Variants in LPXN observed in about 807,000 individuals in gnomAD.
LPXN encodes leupaxin.
A neutral mutation model predicts 45.6 loss-of-function variants in LPXN; 28 were observed. That is an observed-to-expected ratio of 0.61 (90% CI 0.45 to 0.84). The LOEUF (loss-of-function observed/expected upper bound fraction) is 0.84. Among genes scored for constraint, LPXN ranks in the 40% least tolerant of loss-of-function variants. LPXN has a pLI of 0.00. For synonymous variants in LPXN, 166 were observed against 169.9 expected, an observed-to-expected ratio of 0.98 and a Z score of 0.18; for missense variants, 459 against 475.0, an observed-to-expected ratio of 0.97 and a Z score of 0.31.
At chr11:58,567,412 A>G (rs1422247314) in intron 2 of LPXN, among the ~76,000 whole-genome samples, 1 of 152,210 alleles carries the variant, frequency 6.6e-6, no homozygotes, top group Admixed American at 6.5e-5. Context: ...TTGAATTGAG[A>G]CCTCTAAGGA....
chr11:58,553,962 T>C (rs1854125435), intron 4 of LPXN: 1 of 152,474 alleles, frequency 6.6e-6, no homozygotes, highest in Non-Finnish European at 1.5e-5. Flanking sequence ...TGATCTCCCT[T>C]GCTGTGTCTC....
At chr11:58,577,968 C>T, upstream of LPXN, 1 of 1,546,390 alleles carries the variant, frequency 6.5e-7, no homozygotes, top group South Asian at 1.2e-5. Flanking sequence ...CCCCATGGAA[C>T]CAGATTTAGT....
At chr11:58,554,971 A>G (rs774331773) in intron 3 of LPXN, 31 bp from the exon 4 acceptor site, 2 of 1,346,320 alleles carry the variant, frequency 1.5e-6, no homozygotes, top group East Asian at 4.6e-5. Flanking sequence ...AGTCATATGA[A>G]CAAATCAAAA....
chr11:58,536,297 G>C (rs1405598364), intron 7 of LPXN, among the ~76,000 whole-genome samples: 1 of 152,126 alleles, frequency 6.6e-6, no homozygotes, highest in African/African-American at 2.4e-5. Context: ...GCATGGTACT[G>C]GTACCAAAAC....
At chr11:58,577,927 G>A (rs1302403031), upstream of LPXN, 2 of 1,423,536 alleles carry the variant, frequency 1.4e-6, no homozygotes, top group Non-Finnish European at 1.9e-6. Flanking sequence ...TGAGTAGTGG[G>A]CCTTGTGCTA....
At chr11:58,552,285 T>A (rs555225403) in intron 4 of LPXN, among the ~76,000 whole-genome samples, 2 of 150,206 alleles carry the variant, frequency 1.3e-5, no homozygotes, top group South Asian at 4.3e-4. Context: ...AAAATTATTA[T>A]AAACCATTCA....
chr11:58,532,919 C>T (rs192961932), intron 7 of LPXN, among the ~76,000 whole-genome samples: 19 of 152,270 alleles, frequency 1.2e-4, no homozygotes, highest in Non-Finnish European at 1.8e-4. Flanking sequence ...TAACACTCAC[C>T]GCGAAGGTCT....
intron 7 of LPXN, among the ~76,000 whole-genome samples, chr11:58,546,258 G>C (rs983111096): frequency 2.0e-5 from 3 of 152,124 alleles, no homozygotes; most frequent in Admixed American, 2.0e-4. Flanking sequence ...CATCAGAGGG[G>C]CTCAGGAACT....
rs1408205578 is a variant in LPXN, at chr11:58,549,779, G to A, written c.742+7C>T. 1 of 1,613,734 alleles carries A rather than the reference G, an allele frequency of 6.2e-7. No homozygotes were observed. The highest frequency in any genetic ancestry group is 1.3e-5 in the African/African-American group (1 of 74,896). On this transcript the variant is annotated splice_region_variant and intron_variant, in intron 7 of 8. Transcript: ENST00000395074. Reference sequence around the variant, plus strand: ...TGTGGGATACAGCCTCTCAAGTCGGGTCATACCTTCTGCACCAAACACCTC... The same window carrying A: ...TGTGGGATACAGCCTCTCAAGTCGGATCATACCTTCTGCACCAAACACCTC...
chr11:58,545,281 C>T (rs544797113), intron 7 of LPXN, among the ~76,000 whole-genome samples: 87 of 152,270 alleles, frequency 5.7e-4, no homozygotes, highest in Non-Finnish European at 1.1e-3. Flanking sequence ...GCTTTCTGGT[C>T]ATCCTATGGA....
At chr11:58,560,369 AAC>A (rs1214960261) in intron 3 of LPXN, among the ~76,000 whole-genome samples, 1 of 152,232 alleles carries the variant, frequency 6.6e-6, no homozygotes, top group Non-Finnish European at 1.5e-5. Context: ...ATATAAAATT[AAC>A]ACATGTTAAG....
rs1055694706 is a variant in LPXN, at chr11:58,527,301, T to C, written c.*153A>G. 20 of 685,638 alleles carry C rather than the reference T, an allele frequency of 2.9e-5. No individual in the cohort carries two copies. The highest frequency in any genetic ancestry group is 3.2e-4 in the Middle Eastern group (1 of 3,132). 42.5% of individuals were successfully genotyped at this position (685,638 alleles called of 1,614,324 possible). ...AAAAATAAGATTATCAGCCTAGTCA[T>C]GTAAAGTCTAGAAGTTCCTTTATTT... On this transcript the variant is annotated 3_prime_UTR_variant, in exon 9 of 9. Coordinates refer to ENST00000395074, the MANE Select transcript of LPXN (RefSeq NM_004811.3).
upstream of LPXN, chr11:58,578,159 G>C (rs1590600947): frequency 2.2e-6 from 3 of 1,364,274 alleles, no homozygotes; most frequent in Non-Finnish European, 2.9e-6. Context: ...TAAAAAGTAA[G>C]AAAAAGTAGG....
chr11:58,542,132 T>C (rs1205091552), intron 7 of LPXN, among the ~76,000 whole-genome samples: 2 of 151,872 alleles, frequency 1.3e-5, no homozygotes, highest in African/African-American at 4.8e-5. Context: ...ATGGCACATG[T>C]ATACATATGT....
intron 7 of LPXN, among the ~76,000 whole-genome samples, chr11:58,542,183 A>C (rs969957389): frequency 6.6e-6 from 1 of 152,052 alleles, no homozygotes; most frequent in African/African-American, 2.4e-5. Flanking sequence ...TAAAACTTAA[A>C]GTATAATAAT....
intron 7 of LPXN, among the ~76,000 whole-genome samples, chr11:58,543,061 G>A (rs1256474473): frequency 2.0e-5 from 3 of 152,138 alleles, no homozygotes; most frequent in Non-Finnish European, 4.4e-5. Flanking sequence ...CTGCTTAAGA[G>A]AACAAGTGAC....
chr11:58,551,914 T>A (rs1289325870), intron 4 of LPXN, among the ~76,000 whole-genome samples: 1 of 152,116 alleles, frequency 6.6e-6, no homozygotes, highest in African/African-American at 2.4e-5. Context: ...CCCCGAGGAA[T>A]AAAACAACTT....
intron 7 of LPXN, among the ~76,000 whole-genome samples, chr11:58,532,414 G>A (rs1298886640): frequency 6.6e-6 from 1 of 152,252 alleles, no homozygotes; most frequent in East Asian, 1.9e-4. Context: ...CCTGAGTCAG[G>A]TGGGGACTTG....
chr11:58,532,065 C>A (rs959265218), intron 7 of LPXN, among the ~76,000 whole-genome samples: 2 of 152,364 alleles, frequency 1.3e-5, no homozygotes, highest in Admixed American at 1.3e-4. Context: ...ACCGCCAGCC[C>A]CAGGCAGTGA....
Sources: gnomAD v4.1 joint callset for allele counts (sites outside exome capture counted in the v4.1 genomes callset) on GRCh38, gnomAD v4.1.1 for gene constraint, MANE v1.5 for transcripts, NCBI Gene and HGNC (gene_info 2026-07-23, HGNC 2026-07-21) for gene names.